The following TRRAP variants were observed in gnomAD, a reference collection of about 807,000 sequenced individuals.
TRRAP encodes transformation/transcription domain-associated protein.
TRRAP carries 41 observed loss-of-function variants against 438.8 expected under a neutral mutation model. The observed-to-expected ratio is 0.09, with a 90% CI of 0.07 to 0.12. TRRAP has a LOEUF of 0.12. Ranked by LOEUF, TRRAP falls within the 10% of genes least tolerant of loss-of-function variation. TRRAP has a pLI of 1.00. For synonymous variants in TRRAP, 1,994 were observed against 1,962.9 expected, an observed-to-expected ratio of 1.02 and a Z score of -0.42; for missense variants, 3,122 against 5,055.1, an observed-to-expected ratio of 0.62 and a Z score of 11.60.
intron 58 of TRRAP, among the ~76,000 whole-genome samples, chr7:98,979,799 T>G (rs182912468): frequency 2.3e-4 from 35 of 152,306 alleles, no homozygotes; most frequent in Admixed American, 2.1e-3. Context: ...AGAAAAAAAC[T>G]CAAATATGTG....
intron 8 of TRRAP, among the ~76,000 whole-genome samples, chr7:98,898,414 A>G (rs1554406124): frequency 1.3e-5 from 2 of 152,238 alleles, no homozygotes; most frequent in Non-Finnish European, 2.9e-5. Flanking sequence ...TGTCTGCCAC[A>G]TAGGTAACAT....
chr7:98,889,185 A>G (rs1242805649), intron 3 of TRRAP, among the ~76,000 whole-genome samples: 2 of 151,836 alleles, frequency 1.3e-5, no homozygotes, highest in African/African-American at 4.8e-5. Flanking sequence ...CCATTTTCAA[A>G]ACTTAACCTC....
At chr7:98,914,912 T>C (rs1554409354) in intron 18 of TRRAP, among the ~76,000 whole-genome samples, 3 of 151,936 alleles carry the variant, frequency 2.0e-5, no homozygotes, top group Non-Finnish European at 4.4e-5. Flanking sequence ...ATACCAAGAA[T>C]TTATAATTAT....
rs782371585 is a variant in TRRAP, at chr7:98,931,602, G to A, written c.3789G>A (p.Ser1263=). Residue 1263 remains serine (S), a synonymous_variant, in exon 26 of 73, where the codon TCG becomes TCA. Coordinates refer to ENST00000456197, the MANE Select transcript of TRRAP (RefSeq NM_001375524.1). ...NSTVRKQAMH[S]LQVLAQVTGK... Reference sequence around the variant, plus strand: ...CTGTGAGGAAGCAGGCCATGCATTCGCTGCAGGTGTTGGCCCAGGTCACTG... The same window carrying A: ...CTGTGAGGAAGCAGGCCATGCATTCACTGCAGGTGTTGGCCCAGGTCACTG... The A allele has an allele frequency of 2.5e-5, 41 of 1,614,092 alleles. No individual in the cohort carries two copies. In the East Asian group the frequency reaches 5.1e-4, roughly 20 times the overall value.
In TRRAP at chr7:98,893,901, T is replaced by TA; in HGVS notation, c.450+21dup. 3.1e-6 allele frequency: 5 copies of TA among 1,608,752 alleles called. No homozygotes were observed. The highest frequency in any genetic ancestry group is 4.2e-6 in the Non-Finnish European group (5 of 1,177,772). On this transcript the variant is annotated intron_variant, in intron 6 of 72. Transcript: ENST00000456197. ...CAAGAAGTAAGTTGTTTAAAATCCTTATAGCATTTATAAAGTGTGTCAACA... is the reference window on the plus strand; with the variant it reads ...CAAGAAGTAAGTTGTTTAAAATCCTTAATAGCATTTATAAAGTGTGTCAACA...
chr7:98,958,143 G>T, intron 44 of TRRAP, 52 bp downstream of exon 44: 1 of 1,493,000 alleles, frequency 6.7e-7, no homozygotes, highest in South Asian at 1.2e-5. Context: ...AGAGGCTACT[G>T]ACTAACACCC....
intron 5 of TRRAP, 121 bp downstream of exon 5, chr7:98,892,649 G>T: frequency 1.2e-6 from 1 of 818,796 alleles, no homozygotes; most frequent in Non-Finnish European, 1.9e-6. Context: ...CAAGTCACAT[G>T]AGTAAAAATT....
chr7:98,939,366 G>C (rs1423784617), intron 30 of TRRAP, among the ~76,000 whole-genome samples: 1 of 151,982 alleles, frequency 6.6e-6, no homozygotes. Context: ...CAGATACATT[G>C]TATTTATCTA....
At chr7:99,003,114 G>C (rs1794009263) in intron 67 of TRRAP, among the ~76,000 whole-genome samples, 1 of 152,150 alleles carries the variant, frequency 6.6e-6, no homozygotes, top group African/African-American at 2.4e-5. Flanking sequence ...CAGGGCCCCT[G>C]CTTTGCTGCA....
chr7:98,937,189 C>A lies in TRRAP; in HGVS notation c.4145C>A (p.Ser1382Tyr). The A allele has an allele frequency of 6.2e-7, 1 of 1,613,348 alleles. No homozygotes were observed. Among genetic ancestry groups the A allele is most frequent in the South Asian group, 1.1e-5 (1 of 90,962 alleles). The change falls in exon 29 of 73, where the codon TCC (serine) becomes TAC (tyrosine). Residue 1382 changes from serine to tyrosine, a missense_variant. This residue lies in a region of TRRAP where 84 missense variants were observed against 119.8 expected (regional missense o/e 0.70). Transcript: ENST00000456197. ...GCTGCCTGCAATTACCTTCCTCAGTCCAGGGAGAAAATCATCGCTGCACTC... is the reference window on the plus strand; with the variant it reads ...GCTGCCTGCAATTACCTTCCTCAGTACAGGGAGAAAATCATCGCTGCACTC... ...ALAACNYLPQ[S>Y]REKIIAALFK...
chr7:98,956,327 T>C lies in TRRAP; in HGVS notation c.6096+23T>C. ...CAGGTAGGGGTGTCAGCCTCAGGGG[T>C]GCCCCGATCGTCTTCCTTTGACTTC... On this transcript the variant is annotated intron_variant, in intron 42 of 72. Transcript: ENST00000456197. The surrounding 1 kb of genome is among the most constrained non-coding windows in gnomAD (Gnocchi z 4.5). 6.2e-7 allele frequency: 1 copy of C among 1,613,592 alleles called. No homozygotes were observed. Among genetic ancestry groups the C allele is most frequent in the Non-Finnish European group, 8.5e-7 (1 of 1,179,640 alleles).
chr7:98,957,237 G>T (rs1283552763), intron 43 of TRRAP, among the ~76,000 whole-genome samples: 1 of 152,162 alleles, frequency 6.6e-6, no homozygotes, highest in Non-Finnish European at 1.5e-5. Context: ...GAAGTAACCA[G>T]ATGGGAGCTG....
At chr7:98,942,832 A>G in intron 30 of TRRAP, 117 bp from the exon 31 acceptor site, 2 of 1,091,386 alleles carry the variant, frequency 1.8e-6, no homozygotes, top group South Asian at 1.4e-5. Context: ...TGTTTTAATA[A>G]TGGAAACACT....
At position 98,881,171 on chromosome 7, in the gene TRRAP, G is replaced by A; in HGVS notation, c.21G>A (p.Gln7=). 6.2e-7 allele frequency: 1 copy of A among 1,607,696 alleles called. No homozygotes were observed. The highest frequency in any genetic ancestry group is 8.5e-7 in the Non-Finnish European group (1 of 1,176,770). The change falls in exon 2 of 73, where the codon CAG becomes CAA. Residue 7 remains glutamine, a synonymous_variant. Transcript: ENST00000456197. MAFVAT[Q]GATVVDQTTL... The stretch of plus-strand genomic sequence containing the variant: ...GAAAAATGGCGTTTGTTGCAACACA[G>A]GGGGCCACGGTGGTTGACCAGACCA...
intron 11 of TRRAP, among the ~76,000 whole-genome samples, chr7:98,902,881 C>T (rs922588480): frequency 7.3e-6 from 1 of 137,444 alleles, no homozygotes; most frequent in Non-Finnish European, 1.5e-5. Flanking sequence ...GAGGCCAGCT[C>T]GGGTAACATA....
intron 11 of TRRAP, 45 bp from the exon 12 acceptor site, chr7:98,903,334 A>G: frequency 2.5e-6 from 4 of 1,598,490 alleles, no homozygotes; most frequent in Non-Finnish European, 2.6e-6. Context: ...TTTTCTTAAC[A>G]CTCTCCTATC....
intron 10 of TRRAP, 30 bp downstream of exon 10, chr7:98,899,797 G>A: frequency 6.2e-7 from 1 of 1,606,580 alleles, no homozygotes; most frequent in Non-Finnish European, 8.5e-7. Context: ...GGCTGCCACA[G>A]TGCCTGGATT....
Position 98,908,055 on chromosome 7 carries a change from G to A in TRRAP, c.1116-673G>A, listed in dbSNP as rs555043480. On this transcript the variant is annotated intron_variant, in intron 13 of 72. Coordinates refer to ENST00000456197, the MANE Select transcript of TRRAP (RefSeq NM_001375524.1). This position sits in a 1 kb window ranked among gnomAD's most constrained non-coding sequence, Gnocchi z 4.1. ...GATTTTTGCCTTATGGCCCCTTTTT[G>A]TCCTTAAGATCTCAACTTCAGTGCC... Among the ~76,000 whole-genome samples the A allele has an allele frequency of 6.6e-6, 1 of 152,032 alleles. No homozygotes were observed. Among genetic ancestry groups the A allele is most frequent in the African/African-American group, 2.4e-5 (1 of 41,478 alleles).
intron 3 of TRRAP, among the ~76,000 whole-genome samples, chr7:98,889,121 G>T (rs1334415963): frequency 2.8e-5 from 4 of 145,008 alleles, no homozygotes; most frequent in African/African-American, 1.0e-4. Flanking sequence ...GGGCTCCAGT[G>T]ATCCTCCCAC....
Sources: allele counts gnomAD v4.1 joint callset (sites outside exome capture counted in the v4.1 genomes callset), GRCh38; gene constraint gnomAD v4.1.1; regional missense constraint gnomAD v4.1.1; non-coding constraint Gnocchi (gnomAD v3.1); transcripts MANE v1.5; gene names NCBI Gene and HGNC (gene_info 2026-07-23, HGNC 2026-07-21).